PPP4R1: variants seen among roughly 807,000 people sequenced by gnomAD.
PPP4R1 encodes the protein protein phosphatase 4 regulatory subunit 1.
A neutral mutation model predicts 111.2 loss-of-function variants in PPP4R1; 42 were observed. The observed-to-expected ratio is 0.38, with a 90% CI of 0.29 to 0.49. PPP4R1 has a LOEUF of 0.49. Ranked by LOEUF, PPP4R1 falls within the 20% of genes least tolerant of loss-of-function variation. The pLI is 0.97. For missense variants in PPP4R1, 1,012 were observed against 1,161.6 expected, an observed-to-expected ratio of 0.87 and a Z score of 1.87; for synonymous variants, 409 against 405.5, an observed-to-expected ratio of 1.01 and a Z score of -0.10.
At chr18:9,548,835 T>C (rs916162973) in intron 19 of PPP4R1, among the ~76,000 whole-genome samples, 1 of 152,216 alleles carries the variant, frequency 6.6e-6, no homozygotes, top group African/African-American at 2.4e-5. Context: ...GAAGAATTGC[T>C]TGAACCCGGA....
rs188226497 is a variant in PPP4R1, at chr18:9,567,019, G to A, written c.1573+3138C>T. On this transcript the variant is annotated intron_variant, in intron 11 of 19. Coordinates refer to ENST00000400556, the MANE Select transcript of PPP4R1 (RefSeq NM_001042388.3). ...ATCAAGGGGTAATTTCAACTTTCAA[G>A]TCTTATTATTTCAGGAATACATTCT... 3.6e-3 allele frequency among the ~76,000 whole-genome samples: 550 copies of A among 152,228 alleles called. 6 individuals are homozygous for A. The highest frequency in any genetic ancestry group is 0.011 in the African/African-American group (464 of 41,530).
intron 2 of PPP4R1, among the ~76,000 whole-genome samples, chr18:9,598,763 G>A (rs28879133): frequency 0.2 from 30,399 of 152,016 alleles, 3,366 homozygotes; most frequent in East Asian, 0.49. Flanking sequence ...AGTGGCTCAC[G>A]CCTGTAATCT....
At position 9,570,305 on chromosome 18, in the gene PPP4R1, G is replaced by T; in HGVS notation, c.1425C>A (p.Asn475Lys). 1 of 1,612,516 alleles carries T rather than the reference G, an allele frequency of 6.2e-7. No individual in the cohort carries two copies. Among genetic ancestry groups the T allele is most frequent in the South Asian group, 1.1e-5 (1 of 90,790 alleles). Residue 475 changes from asparagine to lysine, a missense_variant, in exon 11 of 20, where the codon AAC (asparagine) becomes AAA (lysine). Coordinates refer to ENST00000400556, the MANE Select transcript of PPP4R1 (RefSeq NM_001042388.3). The part of the protein sequence containing the change: ...EIDLDIELEQ[N>K]SGGKPSPEGP... ...CCTCTGGGCTGGGTTTTCCCCCAGA[G>T]TTCTGTTCAAGCTCTATGTCTAGAT...
At chr18:9,549,881 G>T (rs1010264216) in intron 18 of PPP4R1, 171 bp downstream of exon 18, 3 of 967,380 alleles carry the variant, frequency 3.1e-6, no homozygotes, top group Non-Finnish European at 4.5e-6. Flanking sequence ...CTGGGAGAGA[G>T]GGGCCACCAG....
At chr18:9,554,321 G>C (rs1481748880) in intron 15 of PPP4R1, among the ~76,000 whole-genome samples, 1 of 151,900 alleles carries the variant, frequency 6.6e-6, no homozygotes, top group Non-Finnish European at 1.5e-5. Flanking sequence ...TAGAGACGGG[G>C]ATTCACCGTG....
At chr18:9,578,767 G>A (rs1293965294) in intron 9 of PPP4R1, among the ~76,000 whole-genome samples, 2 of 152,122 alleles carry the variant, frequency 1.3e-5, no homozygotes, top group Non-Finnish European at 2.9e-5. Flanking sequence ...TTGTATGTGT[G>A]TAAACTAAGG....
chr18:9,599,467 A>C (rs1362889863), intron 2 of PPP4R1, among the ~76,000 whole-genome samples: 3 of 152,234 alleles, frequency 2.0e-5, no homozygotes, highest in African/African-American at 7.2e-5. Context: ...AGAAACAACA[A>C]GATAAAGAGA....
At chr18:9,598,590 T>A (rs1598952673) in intron 2 of PPP4R1, among the ~76,000 whole-genome samples, 1 of 51,824 alleles carries the variant, frequency 1.9e-5, no homozygotes, top group Admixed American at 1.6e-4. Context: ...GAAATAAAGA[T>A]TTTTTTCAGC....
chr18:9,602,128 C>A (rs1185329214), intron 2 of PPP4R1, among the ~76,000 whole-genome samples: 1 of 152,134 alleles, frequency 6.6e-6, no homozygotes, highest in Non-Finnish European at 1.5e-5. Context: ...TATCCTCTCT[C>A]TATACTACTT....
At chr18:9,573,009 C>T (rs2066885078) in intron 10 of PPP4R1, among the ~76,000 whole-genome samples, 3 of 152,132 alleles carry the variant, frequency 2.0e-5, no homozygotes, top group Admixed American at 2.0e-4. Flanking sequence ...CTCACTTATT[C>T]CTTATTCATA....
At position 9,559,383 on chromosome 18, in the gene PPP4R1, T is replaced by C; in HGVS notation, c.2028+36A>G. The stretch of plus-strand genomic sequence containing the variant: ...AAAGCAAAGCACTGTGCCTTCCACA[T>C]GCACGTTCTGCTAATTCTTTAACTG... On this transcript the variant is annotated intron_variant, in intron 14 of 19. Transcript: ENST00000400556. The C allele has an allele frequency of 3.2e-6, 5 of 1,563,334 alleles. No homozygotes were observed. In the East Asian group the frequency reaches 6.8e-5, roughly 21 times the overall value.
intron 2 of PPP4R1, among the ~76,000 whole-genome samples, chr18:9,607,072 C>T (rs1253121338): frequency 5.9e-5 from 9 of 152,264 alleles, no homozygotes; most frequent in Admixed American, 5.9e-4. Context: ...AAGTGATCTA[C>T]ATCAGGCTGG....
rs1179511061 is a variant in PPP4R1 at position 9,588,096 on chromosome 18, G to A, written c.578C>T (p.Ala193Val). 6.2e-7 allele frequency: 1 copy of A among 1,613,734 alleles called. No homozygotes were observed. The highest frequency in any genetic ancestry group is 8.5e-7 in the Non-Finnish European group (1 of 1,179,888). Residue 193 changes from alanine (A) to valine (V), a missense_variant, in exon 6 of 20, where the codon GCT becomes GTT. By Grantham distance (64) the Ala-to-Val change is moderately conservative (BLOSUM62 0). Transcript: ENST00000400556. The stretch of plus-strand genomic sequence containing the variant: ...AAATGGCATTTGACTTACAGCCACA[G>A]CTTCTGTTTTCACATCATCATTGCT... ...PDSNDDVKTEAVAIMCKMAPM... is the reference protein window; with the variant it reads ...PDSNDDVKTEVVAIMCKMAPM...
rs541519816 is a variant in PPP4R1, at chr18:9,595,141, T to A, written c.65A>T (p.Asp22Val). 2.5e-6 allele frequency: 4 copies of A among 1,613,776 alleles called. No homozygotes were observed. The East Asian group carries it at 6.7e-5, about 27-fold the overall frequency. ...QEDADGFGVD[D>V]YSSESDVIII... The stretch of plus-strand genomic sequence containing the variant: ...AATCACATCAGACTCTGAGCTGTAG[T>A]CATCCACACCAACTATCAGAGACAT... Residue 22 changes from aspartate (D) to valine (V), a missense_variant, in exon 3 of 20, where the codon GAC becomes GTC. Asp to Val is a radical substitution (Grantham distance 152). Coordinates refer to ENST00000400556, the MANE Select transcript of PPP4R1 (RefSeq NM_001042388.3).
intron 10 of PPP4R1, among the ~76,000 whole-genome samples, chr18:9,571,499 C>A (rs979106506): frequency 1.3e-5 from 2 of 152,172 alleles, no homozygotes; most frequent in African/African-American, 4.8e-5. Context: ...AGCTCTTGAT[C>A]TTGAGATTAC....
chr18:9,565,777 G>A (rs1381985718), intron 11 of PPP4R1, among the ~76,000 whole-genome samples: 2 of 152,346 alleles, frequency 1.3e-5, no homozygotes, highest in East Asian at 3.9e-4. Flanking sequence ...TGGTTCATGA[G>A]GTTTAAGGAA....
At chr18:9,578,574 A>G (rs1346242777) in intron 9 of PPP4R1, among the ~76,000 whole-genome samples, 4 of 151,984 alleles carry the variant, frequency 2.6e-5, no homozygotes, top group Admixed American at 1.3e-4. Flanking sequence ...AAAAAAGCAT[A>G]ATAATACCTT....
intron 8 of PPP4R1, among the ~76,000 whole-genome samples, chr18:9,583,671 T>C (rs2067069204): frequency 2.0e-5 from 3 of 152,208 alleles, no homozygotes; most frequent in Admixed American, 2.0e-4. Context: ...CCAGCCTCAG[T>C]GTTTTAAATG....
At chr18:9,548,168 A>C (rs902943782) in intron 19 of PPP4R1, among the ~76,000 whole-genome samples, 7 of 152,152 alleles carry the variant, frequency 4.6e-5, no homozygotes, top group Non-Finnish European at 8.8e-5. Flanking sequence ...ATAAGACTAA[A>C]TCTCATGATA....
Sources: allele counts gnomAD v4.1 joint callset (sites outside exome capture counted in the v4.1 genomes callset), GRCh38; gene constraint gnomAD v4.1.1; transcripts MANE v1.5; gene names NCBI Gene and HGNC (gene_info 2026-07-23, HGNC 2026-07-21).